C17orf99: variants seen among roughly 807,000 people sequenced by gnomAD.
C17orf99 encodes chromosome 17 open reading frame 99.
In C17orf99, 18 loss-of-function variants were observed where a neutral mutation model predicts 22.6. That is an observed-to-expected ratio of 0.80 (90% confidence interval 0.55 to 1.18). The LOEUF (loss-of-function observed/expected upper bound fraction) is 1.18. Ranked by LOEUF, C17orf99 falls within the 50% of genes most tolerant of loss-of-function variation. The pLI, the probability that C17orf99 is intolerant of heterozygous loss-of-function variation, is 0.00. For synonymous variants in C17orf99, 147 were observed against 136.6 expected (o/e 1.08, Z -0.53); for missense variants, 328 against 342.7 (o/e 0.96, Z 0.34).
At chr17:78,155,839 C>A (rs1010449954) in intron 2 of C17orf99, among the ~76,000 whole-genome samples, 1 of 151,420 alleles carries the variant, frequency 6.6e-6, no homozygotes, top group African/African-American at 2.4e-5. Context: ...GTTGGCCAGG[C>A]TGGTCTTGAA....
chr17:78,157,386 T>G, intron 2 of C17orf99: 1 of 1,174,726 alleles, frequency 8.5e-7, no homozygotes, highest in Non-Finnish European at 1.2e-6. Flanking sequence ...CAGGGTTGAG[T>G]CAGTGAGTTC....
At chr17:78,157,332 G>A (rs2075534103) in intron 2 of C17orf99, 46 of 501,916 alleles carry the variant, frequency 9.2e-5, no homozygotes, top group South Asian at 1.5e-4. Context: ...GTTCAGCAGC[G>A]GCGGCGGCGG....
chr17:78,151,447 G>T (rs1027971171), intron 2 of C17orf99, among the ~76,000 whole-genome samples: 3 of 99,278 alleles, frequency 3.0e-5, no homozygotes, highest in African/African-American at 1.3e-4. Flanking sequence ...AAAAAAAAAA[G>T]CAAAAGACAA....
At chr17:78,156,372 A>C (rs1433999637) in intron 2 of C17orf99, among the ~76,000 whole-genome samples, 1 of 150,872 alleles carries the variant, frequency 6.6e-6, no homozygotes, top group Non-Finnish European at 1.5e-5. Flanking sequence ...CAAAGACAGC[A>C]TCAGGCCCAC....
At position 78,161,149 on chromosome 17, in the gene C17orf99, C is replaced by T. The variant is rs2075572843; in HGVS notation, c.265C>T (p.Leu89Phe). ...EPASFNLNVT[L>F]KSSPDLLTYF... ...GGCCTCCTTCAACCTCAACGTCACA[C>T]TCAAGTCCAGTCCAGACCTGCTCAC... Residue 89 changes from leucine to phenylalanine, a missense_variant, in exon 3 of 5, where the codon CTC (leucine) becomes TTC (phenylalanine). Leu to Phe is a conservative substitution (Grantham distance 22). Transcript: ENST00000340363. 1.9e-6 allele frequency: 3 copies of T among 1,551,742 alleles called. No homozygotes were observed. Among genetic ancestry groups the T allele is most frequent in the East Asian group, 2.4e-5 (1 of 40,942 alleles).
chr17:78,160,961 C>T lies in C17orf99; in HGVS notation c.77C>T (p.Thr26Ile). 1 of 1,550,076 alleles carries T rather than the reference C, an allele frequency of 6.5e-7. No homozygotes were observed. Among genetic ancestry groups the T allele is most frequent in the Non-Finnish European group, 8.7e-7 (1 of 1,145,748 alleles). The part of the protein sequence containing the change: ...SFSKAREEEI[T>I]PVVSIAYKVL... ...GGACCTTTTCATCTCCCAGAAATTA[C>T]CCCTGTGGTCTCCATTGCCTACAAA... is the stretch of plus-strand genomic sequence containing the variant. Residue 26 changes from threonine to isoleucine, a missense_variant, in exon 3 of 5, where the codon ACC becomes ATC. By Grantham distance (89) the Thr-to-Ile change is moderately conservative (BLOSUM62 -1). Coordinates refer to ENST00000340363, the MANE Select transcript of C17orf99 (RefSeq NM_001163075.2).
chr17:78,148,729 A>G (rs1383814880), intron 2 of C17orf99, among the ~76,000 whole-genome samples: 1 of 152,116 alleles, frequency 6.6e-6, no homozygotes, highest in Non-Finnish European at 1.5e-5. Context: ...ACAGGAAGCA[A>G]GGGGCAAAGG....
chr17:78,156,759 C>T (rs986721944), intron 2 of C17orf99, among the ~76,000 whole-genome samples: 14 of 152,108 alleles, frequency 9.2e-5, no homozygotes, highest in South Asian at 4.2e-4. Flanking sequence ...GGACCGCAGG[C>T]GAGCACCACC....
chr17:78,164,683 G>A, intron 4 of C17orf99: 1 of 1,408,310 alleles, frequency 7.1e-7, no homozygotes, highest in Non-Finnish European at 9.4e-7. Context: ...GGTGCTCGAT[G>A]CAGGGAGGAG....
chr17:78,156,815 C>T (rs1378409758), intron 2 of C17orf99, among the ~76,000 whole-genome samples: 1 of 151,888 alleles, frequency 6.6e-6, no homozygotes, highest in Non-Finnish European at 1.5e-5. Context: ...GAGTAGTTCT[C>T]ACTGTGTTGT....
intron 2 of C17orf99, among the ~76,000 whole-genome samples, chr17:78,148,422 G>A (rs529943176): frequency 1.3e-3 from 203 of 152,178 alleles, no homozygotes; most frequent in Admixed American, 2.4e-3. Flanking sequence ...CCAGCTACTC[G>A]GGAGGCTGAG....
At chr17:78,160,423 C>T (rs1423239341) in intron 2 of C17orf99, among the ~76,000 whole-genome samples, 1 of 151,682 alleles carries the variant, frequency 6.6e-6, no homozygotes, top group Non-Finnish European at 1.5e-5. Context: ...GCAGTCCCAG[C>T]TATTCGGGAG....
chr17:78,150,736 G>C (rs1322383775), intron 2 of C17orf99, among the ~76,000 whole-genome samples: 1 of 152,192 alleles, frequency 6.6e-6, no homozygotes, highest in Non-Finnish European at 1.5e-5. Context: ...GGGAAGGAGG[G>C]ATCTGGTTTC....
chr17:78,155,056 G>C (rs1213591288), intron 2 of C17orf99, among the ~76,000 whole-genome samples: 1 of 151,802 alleles, frequency 6.6e-6, no homozygotes, highest in East Asian at 1.9e-4. Flanking sequence ...GGTGGGGGCT[G>C]ACTGTGCACT....
At position 78,164,319 on chromosome 17, in the gene C17orf99, A is replaced by G. The variant is rs1381879072; in HGVS notation, c.595A>G (p.Asn199Asp). The G allele has an allele frequency of 1.9e-6, 3 of 1,551,582 alleles. No individual in the cohort carries two copies. Among genetic ancestry groups the G allele is most frequent in the Non-Finnish European group, 1.7e-6 (2 of 1,147,004 alleles). ...GGACTGGTTCTGGTGCCAGGCTGCA[A>G]ACAACGCCAATGTCCAGCACAGCGC... Reference protein sequence around the residue: ...TSDWFWCQAANNANVQHSALT... With the variant: ...TSDWFWCQAADNANVQHSALT... The change falls in exon 4 of 5, where the codon AAC becomes GAC. Residue 199 changes from asparagine to aspartate, a missense_variant. Coordinates refer to ENST00000340363, the MANE Select transcript of C17orf99 (RefSeq NM_001163075.2).
Position 78,161,061 on chromosome 17 carries a change from C to A in C17orf99, c.177C>A (p.Thr59=), listed in dbSNP as rs1272975593. Residue 59 remains threonine, a synonymous_variant, in exon 3 of 5, where the codon ACC becomes ACA. Transcript: ENST00000340363. ...CACCCCAGCCACCACCGCCCATCAC[C>A]TATTCCCTCTGTGGAACCAAGAACA... ...CCAPQPPPPI[T]YSLCGTKNIK... The A allele has an allele frequency of 2.6e-6, 4 of 1,551,676 alleles. No individual in the cohort carries two copies. Among genetic ancestry groups the A allele is most frequent in the Non-Finnish European group, 3.5e-6 (4 of 1,147,012 alleles).
chr17:78,161,613 A>G (rs1254739219), intron 3 of C17orf99, among the ~76,000 whole-genome samples: 1 of 152,066 alleles, frequency 6.6e-6, no homozygotes, highest in Non-Finnish European at 1.5e-5. Context: ...GGAGGCCGAG[A>G]CAGGCTGATC....
chr17:78,146,675 C>T lies in C17orf99; in HGVS notation c.38-204C>T, dbSNP rs919580389. ...TCTGGGCTCACTACTTACCCATCTGCGAAATGGGCGGATGAGAGGCGATGT... is the reference window on the plus strand; with the variant it reads ...TCTGGGCTCACTACTTACCCATCTGTGAAATGGGCGGATGAGAGGCGATGT... On this transcript the variant is annotated intron_variant, in intron 1 of 4. Transcript: ENST00000340363. The surrounding 1 kb of genome is among the most constrained non-coding windows in gnomAD (Gnocchi z 5.2). 3.9e-5 allele frequency among the ~76,000 whole-genome samples: 6 copies of T among 152,026 alleles called. No individual in the cohort carries two copies. The highest frequency in any genetic ancestry group is 7.2e-5 in the African/African-American group (3 of 41,472).
intron 2 of C17orf99, among the ~76,000 whole-genome samples, chr17:78,156,613 T>C (rs2075527219): frequency 6.6e-6 from 1 of 152,028 alleles, no homozygotes; most frequent in African/African-American, 2.4e-5. Context: ...GTCCTTTTAA[T>C]TAATTAATTT....
Sources: allele counts gnomAD v4.1 joint callset (sites outside exome capture counted in the v4.1 genomes callset), GRCh38; gene constraint gnomAD v4.1.1; non-coding constraint Gnocchi (gnomAD v3.1); transcripts MANE v1.5; gene names NCBI Gene and HGNC (gene_info 2026-07-23, HGNC 2026-07-21).